The following SGCZ variants were observed in gnomAD, a reference collection of about 807,000 sequenced individuals.
SGCZ encodes zeta-sarcoglycan.
In SGCZ, 40 loss-of-function variants were observed where a neutral mutation model predicts 41.3. The ratio of observed to expected loss-of-function variants is 0.97; its 90% CI spans 0.75 to 1.26. SGCZ has a LOEUF of 1.26. Among genes scored for constraint, SGCZ ranks in the 50% most tolerant of loss-of-function variants. SGCZ has a pLI of 0.00. For missense variants in SGCZ, 552 were observed against 369.8 expected (o/e 1.49, Z -4.04); for synonymous variants, 206 against 137.5 (o/e 1.50, Z -3.49).
chr8:14,424,390 T>C (rs73534069), intron 2 of SGCZ, among the ~76,000 whole-genome samples: 2,351 of 152,278 alleles, frequency 0.015, 60 homozygotes, highest in African/African-American at 0.053. Context: ...TAACACTACA[T>C]AAACATTGGG....
At chr8:15,021,948 T>C (rs576719520) in intron 1 of SGCZ, among the ~76,000 whole-genome samples, 1 of 152,238 alleles carries the variant, frequency 6.6e-6, no homozygotes, top group African/African-American at 2.4e-5. Context: ...AGAAACATCC[T>C]GATGACCCAA....
rs111332729 is a variant in SGCZ, at chr8:14,216,129, G to A, written c.424+21463C>T. The stretch of plus-strand genomic sequence containing the variant: ...CCTCCCCTGAGAGAGTAGCCTTGCA[G>A]GTAATGATTAAAGGCCAGATTCCCA... On this transcript the variant is annotated intron_variant, in intron 4 of 7. Coordinates refer to ENST00000382080, the MANE Select transcript of SGCZ (RefSeq NM_139167.4). 7.1e-3 allele frequency among the ~76,000 whole-genome samples: 1,084 copies of A among 152,320 alleles called. 21 individuals carry two copies. Among genetic ancestry groups the A allele is most frequent in the African/African-American group, 0.025 (1,041 of 41,574 alleles).
intron 2 of SGCZ, among the ~76,000 whole-genome samples, chr8:14,493,721 G>A (rs967765804): frequency 6.6e-6 from 1 of 151,928 alleles, no homozygotes; most frequent in Non-Finnish European, 1.5e-5. Flanking sequence ...TTGCTCTTCA[G>A]TCTTTCCCAC....
chr8:15,105,587 G>T (rs118057329), intron 1 of SGCZ, among the ~76,000 whole-genome samples: 124 of 152,160 alleles, frequency 8.1e-4, no homozygotes, highest in Non-Finnish European at 1.5e-3. Context: ...GAGGTAGAAA[G>T]TCTGCCCCAT....
chr8:14,215,514 C>G (rs200543469), intron 4 of SGCZ, among the ~76,000 whole-genome samples: 2 of 150,844 alleles, frequency 1.3e-5, no homozygotes, highest in East Asian at 3.9e-4. Context: ...AAAAAGAAGT[C>G]AATGAAATTT....
intron 4 of SGCZ, among the ~76,000 whole-genome samples, chr8:14,202,274 C>G (rs1805479189): frequency 6.6e-6 from 1 of 152,128 alleles, no homozygotes; most frequent in African/African-American, 2.4e-5. Context: ...CCTCTATAAA[C>G]TGGAAAGGGC....
At chr8:14,609,285 T>C (rs1805851873) in intron 1 of SGCZ, among the ~76,000 whole-genome samples, 1 of 152,182 alleles carries the variant, frequency 6.6e-6, no homozygotes, top group Admixed American at 6.6e-5. Context: ...TGATTCGTTA[T>C]TATATAACGT....
chr8:14,410,057 G>A lies in SGCZ; in HGVS notation c.235-85853C>T, dbSNP rs572251549. Among the ~76,000 whole-genome samples, 17 of 152,220 alleles carry A rather than the reference G, an allele frequency of 1.1e-4. No individual in the cohort carries two copies. In the East Asian group the frequency reaches 2.7e-3, roughly 24 times the overall value. ...AAGTAACCAGCCAGCATTACCGTCT[G>A]AGCTCCGCCTCCAGTAAGACCAGGG... On this transcript the variant is annotated intron_variant, in intron 2 of 7. Coordinates refer to ENST00000382080, the MANE Select transcript of SGCZ (RefSeq NM_139167.4).
chr8:15,097,866 G>GTGTA lies in SGCZ; in HGVS notation c.39+139718_39+139719insTACA, dbSNP rs1806430002. Among the ~76,000 whole-genome samples, 5 of 68,496 alleles carry GTGTA rather than the reference G, an allele frequency of 7.3e-5. 1 individual carries two copies. Among genetic ancestry groups the GTGTA allele is most frequent in the Admixed American group, 3.6e-4 (2 of 5,558 alleles). The allele number at this position is 68,496 out of a possible 152,430, so 44.9% of individuals were successfully genotyped here. The stretch of plus-strand genomic sequence containing the variant: ...TGTATATATATATATACGTGTGTGT[G>GTGTA]TATATATATATATATACGTGTGTAT... On this transcript the variant is annotated intron_variant, in intron 1 of 7. Coordinates refer to ENST00000382080, the MANE Select transcript of SGCZ (RefSeq NM_139167.4).
intron 6 of SGCZ, among the ~76,000 whole-genome samples, chr8:14,105,598 AC>A (rs1488189795): frequency 6.6e-6 from 1 of 151,582 alleles, no homozygotes; most frequent in Non-Finnish European, 1.5e-5. Flanking sequence ...CTACATAATT[AC>A]TCTACTTTTC....
chr8:15,140,593 G>A (rs1453405294), intron 1 of SGCZ, among the ~76,000 whole-genome samples: 1 of 152,026 alleles, frequency 6.6e-6, no homozygotes, highest in Non-Finnish European at 1.5e-5. Flanking sequence ...AACCAAAAAT[G>A]ACCCATATTA....
intron 1 of SGCZ, among the ~76,000 whole-genome samples, chr8:15,117,192 T>C (rs889748317): frequency 3.9e-5 from 6 of 152,158 alleles, no homozygotes; most frequent in African/African-American, 1.4e-4. Flanking sequence ...ACCCCGTCTC[T>C]ACTAAAAATA....
chr8:15,019,389 G>C (rs1036387609), intron 1 of SGCZ, among the ~76,000 whole-genome samples: 3 of 152,172 alleles, frequency 2.0e-5, no homozygotes, highest in African/African-American at 4.8e-5. Flanking sequence ...GTGGAAGTTA[G>C]AGCTGCTTAA....
chr8:14,260,930 C>A (rs550705775), intron 3 of SGCZ, among the ~76,000 whole-genome samples: 2 of 152,082 alleles, frequency 1.3e-5, no homozygotes, highest in Admixed American at 6.5e-5. Context: ...GGGAATATCA[C>A]ACTCCAGGGA....
At chr8:14,975,564 G>C (rs1585428573) in intron 1 of SGCZ, among the ~76,000 whole-genome samples, 1 of 151,986 alleles carries the variant, frequency 6.6e-6, no homozygotes, top group Non-Finnish European at 1.5e-5. Flanking sequence ...TCACTGGATT[G>C]TATCTTAACA....
At chr8:14,150,433 A>G (rs537267653) in intron 5 of SGCZ, among the ~76,000 whole-genome samples, 9 of 152,140 alleles carry the variant, frequency 5.9e-5, no homozygotes, top group Non-Finnish European at 8.8e-5. Flanking sequence ...AATGCTCAAC[A>G]TGGATTATGA....
Position 14,324,221 on chromosome 8 carries a change from A to G in SGCZ, c.235-17T>C. 2.5e-6 allele frequency: 4 copies of G among 1,576,930 alleles called. No homozygotes were observed. Among genetic ancestry groups the G allele is most frequent in the East Asian group, 2.2e-5 (1 of 44,634 alleles). On this transcript the variant is annotated splice_polypyrimidine_tract_variant and intron_variant, in intron 2 of 7. Coordinates refer to ENST00000382080, the MANE Select transcript of SGCZ (RefSeq NM_139167.4). ...CATACCATCCTACAAGCAATGAAATATAGTTCACTTTTAGGTTAATTGGAG... is the reference window on the plus strand; with the variant it reads ...CATACCATCCTACAAGCAATGAAATGTAGTTCACTTTTAGGTTAATTGGAG...
chr8:15,180,221 CAT>C (rs1429366304), intron 1 of SGCZ, among the ~76,000 whole-genome samples: 2 of 152,020 alleles, frequency 1.3e-5, no homozygotes, highest in Non-Finnish European at 2.9e-5. Flanking sequence ...ATAATCCACA[CAT>C]GTTCTCCCCA....
intron 1 of SGCZ, among the ~76,000 whole-genome samples, chr8:15,142,480 G>GAAGCT (rs923146790): frequency 3.3e-5 from 5 of 152,100 alleles, no homozygotes; most frequent in Admixed American, 3.3e-4. Flanking sequence ...AGAAAGATGT[G>GAAGCT]AAGCTAAAGT....
Sources: allele counts gnomAD v4.1 joint callset (sites outside exome capture counted in the v4.1 genomes callset), GRCh38; gene constraint gnomAD v4.1.1; transcripts MANE v1.5; gene names NCBI Gene and HGNC (gene_info 2026-07-23, HGNC 2026-07-21).